CSMD1: variants seen among roughly 807,000 people sequenced by gnomAD.
CSMD1 encodes the protein CUB and Sushi multiple domains 1, also known as CUB and sushi domain-containing protein 1.
CSMD1 carries 213 observed loss-of-function variants against 417.5 expected under a neutral mutation model. The observed-to-expected ratio is 0.51, with a 90% CI of 0.46 to 0.57. CSMD1 has a LOEUF of 0.57. Ranked by LOEUF, CSMD1 falls within the 20% of genes least tolerant of loss-of-function variation. The probability of loss-of-function intolerance (pLI) is 0.00; values close to 1 mark genes in which losing one functional copy is unlikely to be tolerated. For synonymous variants in CSMD1, 2,862 were observed against 1,736.8 expected (o/e 1.65, Z -16.11); for missense variants, 6,923 against 4,529.7 (o/e 1.53, Z -15.17).
chr8:4,672,933 T>A (rs994534029), intron 1 of CSMD1, among the ~76,000 whole-genome samples: 1 of 151,472 alleles, frequency 6.6e-6, no homozygotes, highest in African/African-American at 2.4e-5. Flanking sequence ...GACATACACA[T>A]GCATACATGG....
intron 3 of CSMD1, among the ~76,000 whole-genome samples, chr8:4,191,531 G>C (rs989305975): frequency 6.6e-6 from 1 of 152,170 alleles, no homozygotes; most frequent in East Asian, 1.9e-4. Context: ...ACTAAAACAT[G>C]TGTCTCATCT....
At chr8:3,246,160 C>G (rs1039518339) in intron 26 of CSMD1, among the ~76,000 whole-genome samples, 1 of 152,044 alleles carries the variant, frequency 6.6e-6, no homozygotes, top group Non-Finnish European at 1.5e-5. Flanking sequence ...AGTGGATTCC[C>G]ATCACTCTAG....
At chr8:4,456,680 G>C (rs1449907331) in intron 2 of CSMD1, among the ~76,000 whole-genome samples, 4 of 152,076 alleles carry the variant, frequency 2.6e-5, no homozygotes, top group Non-Finnish European at 4.4e-5. Flanking sequence ...TGATCTGATG[G>C]ATGCTGGCTC....
chr8:3,067,514 G>C (rs1369769013), intron 49 of CSMD1, among the ~76,000 whole-genome samples: 1 of 151,892 alleles, frequency 6.6e-6, no homozygotes. Flanking sequence ...ACAGTAAACT[G>C]AGAATCAGAA....
At chr8:3,557,149 TTG>T in intron 10 of CSMD1, among the ~76,000 whole-genome samples, 1 of 152,324 alleles carries the variant, frequency 6.6e-6, no homozygotes, top group South Asian at 2.1e-4. Flanking sequence ...CAAATATATT[TTG>T]TGTGTTACAT....
chr8:4,631,826 C>A (rs370025270), intron 2 of CSMD1, among the ~76,000 whole-genome samples: 1 of 152,010 alleles, frequency 6.6e-6, no homozygotes. Context: ...TTAGAAAGAC[C>A]GACGAACTCG....
chr8:4,223,695 C>G (rs768018238), intron 3 of CSMD1, among the ~76,000 whole-genome samples: 1 of 152,132 alleles, frequency 6.6e-6, no homozygotes, highest in East Asian at 1.9e-4. Context: ...ACTTCCAGAG[C>G]CTGAATATTT....
chr8:4,611,546 G>A (rs150988679), intron 2 of CSMD1, among the ~76,000 whole-genome samples: 2 of 152,052 alleles, frequency 1.3e-5, no homozygotes, highest in African/African-American at 4.8e-5. Flanking sequence ...TATATGTATT[G>A]CCAAATTGCC....
At chr8:4,991,926 C>G (rs1034653996) in intron 1 of CSMD1, among the ~76,000 whole-genome samples, 1 of 152,164 alleles carries the variant, frequency 6.6e-6, no homozygotes, top group African/African-American at 2.4e-5. Flanking sequence ...GGACCCACTG[C>G]CTCGTGGGCC....
intron 3 of CSMD1, among the ~76,000 whole-genome samples, chr8:4,353,172 A>T: frequency 6.6e-6 from 1 of 152,188 alleles, no homozygotes; most frequent in Non-Finnish European, 1.5e-5. Flanking sequence ...CTTGAATTGT[A>T]ATAATCCCCA....
intron 7 of CSMD1, among the ~76,000 whole-genome samples, chr8:3,636,002 A>G (rs764429123): frequency 6.6e-6 from 1 of 152,152 alleles, no homozygotes; most frequent in Non-Finnish European, 1.5e-5. Flanking sequence ...CTTGAAACAC[A>G]AACACATTGA....
intron 1 of CSMD1, among the ~76,000 whole-genome samples, chr8:4,755,362 T>A (rs1365376899): frequency 6.6e-6 from 1 of 152,236 alleles, no homozygotes; most frequent in Non-Finnish European, 1.5e-5. Context: ...GCTTTGCAAT[T>A]AGCTATAACC....
chr8:4,700,244 CTT>C (rs1290925964), intron 1 of CSMD1, among the ~76,000 whole-genome samples: 1 of 151,994 alleles, frequency 6.6e-6, no homozygotes, highest in Non-Finnish European at 1.5e-5. Context: ...GAAAGAACCT[CTT>C]GTTTTCTAGC....
chr8:2,940,726 G>T (rs1045730773), intron 69 of CSMD1, among the ~76,000 whole-genome samples: 1 of 152,180 alleles, frequency 6.6e-6, no homozygotes, highest in Non-Finnish European at 1.5e-5. Flanking sequence ...ATTATGTGGG[G>T]TTATCTTTTT....
At chr8:3,919,757 A>T (rs1809099638) in intron 5 of CSMD1, among the ~76,000 whole-genome samples, 1 of 152,084 alleles carries the variant, frequency 6.6e-6, no homozygotes, top group Non-Finnish European at 1.5e-5. Context: ...AATTATTCCA[A>T]TCCAGGAACA....
At chr8:3,621,213 C>T (rs547131012) in intron 7 of CSMD1, among the ~76,000 whole-genome samples, 3 of 152,260 alleles carry the variant, frequency 2.0e-5, no homozygotes, top group South Asian at 2.1e-4. Flanking sequence ...CGGCGAGTAG[C>T]GTAGCACTTT....
chr8:4,491,523 T>G lies in CSMD1; in HGVS notation c.303-71458A>C, dbSNP rs116457651. On this transcript the variant is annotated intron_variant, in intron 2 of 69. Transcript: ENST00000635120. ...GTAACTTCACCTCCTTCCTCCCACA[T>G]TTCATAGTCTGTCTCCTGGAAAATG... Among the ~76,000 whole-genome samples the G allele has an allele frequency of 5.7e-3, 873 of 152,222 alleles. 7 individuals are homozygous for G. Among genetic ancestry groups the G allele is most frequent in the African/African-American group, 0.019 (801 of 41,558 alleles).
chr8:3,913,232 C>G (rs543035658), intron 5 of CSMD1, among the ~76,000 whole-genome samples: 2 of 152,142 alleles, frequency 1.3e-5, no homozygotes, highest in African/African-American at 4.8e-5. Context: ...TTGGAATAAA[C>G]ATTCAGGAAT....
chr8:3,988,177 T>C (rs969242230), intron 5 of CSMD1, among the ~76,000 whole-genome samples: 19 of 151,990 alleles, frequency 1.3e-4, no homozygotes, highest in African/African-American at 4.6e-4. Context: ...TAAATCAGAG[T>C]CTCTAAGCAG....
Sources: gnomAD v4.1 joint callset for allele counts (sites outside exome capture counted in the v4.1 genomes callset) on GRCh38, gnomAD v4.1.1 for gene constraint, MANE v1.5 for transcripts, NCBI Gene and HGNC (gene_info 2026-07-23, HGNC 2026-07-21) for gene names.